The following CDK5RAP2 variants were observed in gnomAD, a reference collection of about 807,000 sequenced individuals.
CDK5RAP2 encodes CDK5 regulatory subunit associated protein 2.
Under a neutral mutation model 232.9 loss-of-function variants are expected in CDK5RAP2, and 147 were observed. That is an observed-to-expected ratio of 0.63 (90% CI 0.55 to 0.72). The LOEUF (loss-of-function observed/expected upper bound fraction) is 0.72. Among genes scored for constraint, CDK5RAP2 ranks in the 30% least tolerant of loss-of-function variants. The pLI is 0.00. For missense variants in CDK5RAP2, 2,195 were observed against 2,231.5 expected (o/e 0.98, Z 0.33); for synonymous variants, 833 against 833.7 (o/e 1.00, Z 0.01).
intron 1 of CDK5RAP2, among the ~76,000 whole-genome samples, chr9:120,574,969 G>C (rs2042979264): frequency 6.6e-6 from 1 of 151,944 alleles, no homozygotes; most frequent in Non-Finnish European, 1.5e-5. Context: ...GGTGGCAGGG[G>C]TGTGGTGGTG....
At chr9:120,572,160 C>A in intron 1 of CDK5RAP2, 119 bp from the exon 2 acceptor site, 1 of 815,602 alleles carries the variant, frequency 1.2e-6, no homozygotes, top group Admixed American at 1.9e-5. Flanking sequence ...CACAGCTGGG[C>A]TACCTATGTG....
Position 120,407,013 on chromosome 9 carries a change from G to T in CDK5RAP2, c.4962C>A (p.His1654Gln). ...IPEVPLQPDK[H>Q]DGDKYPMESD... Reference sequence around the variant, plus strand: ...AGTGGGGAGAGGCAGGGGCAGTACCGTGTTTGTCAGGCTGAAGGGGCACCT... The same window carrying T: ...AGTGGGGAGAGGCAGGGGCAGTACCTTGTTTGTCAGGCTGAAGGGGCACCT... Residue 1654 changes from histidine to glutamine, a missense_variant and splice_region_variant, in exon 32 of 38, where the codon CAC becomes CAA. Coordinates refer to ENST00000349780, the MANE Select transcript of CDK5RAP2 (RefSeq NM_018249.6). 1 of 1,610,004 alleles carries T rather than the reference G, an allele frequency of 6.2e-7. No individual in the cohort carries two copies.
intron 3 of CDK5RAP2, among the ~76,000 whole-genome samples, chr9:120,555,749 G>A (rs1424352773): frequency 6.6e-6 from 1 of 152,158 alleles, no homozygotes; most frequent in Non-Finnish European, 1.5e-5. Flanking sequence ...CAAAAAACCT[G>A]TACATAAATG....
At chr9:120,475,952 C>G (rs1420946718) in intron 15 of CDK5RAP2, among the ~76,000 whole-genome samples, 1 of 152,096 alleles carries the variant, frequency 6.6e-6, no homozygotes, top group Non-Finnish European at 1.5e-5. Context: ...GGCAGAAACA[C>G]AGAGAGGCAA....
chr9:120,400,878 T>A lies in CDK5RAP2; in HGVS notation c.5315A>T (p.His1772Leu). 1 of 1,613,912 alleles carries A rather than the reference T, an allele frequency of 6.2e-7. No individual in the cohort carries two copies. Among genetic ancestry groups the A allele is most frequent in the Non-Finnish European group, 8.5e-7 (1 of 1,179,984 alleles). The change falls in exon 35 of 38, where the codon CAC becomes CTC. Residue 1772 changes from histidine (H) to leucine (L), a missense_variant. By Grantham distance (99) the His-to-Leu change is moderately conservative. Transcript: ENST00000349780. Reference sequence around the variant, plus strand: ...CACAAACTTGCTCAGTGGTGCTGGGTGTGGACCCTACACGGGGGATATGAA... The same window carrying A: ...CACAAACTTGCTCAGTGGTGCTGGGAGTGGACCCTACACGGGGGATATGAA... The part of the protein sequence containing the change: ...TSQELGTKGP[H>L]PAPLSKFVSS...
chr9:120,393,928 A>G (rs1253307184), intron 36 of CDK5RAP2, among the ~76,000 whole-genome samples: 3 of 152,138 alleles, frequency 2.0e-5, no homozygotes, highest in African/African-American at 7.2e-5. Flanking sequence ...TCTTGCACAC[A>G]GATGTGACAG....
chr9:120,509,668 C>G (rs1188607538), intron 12 of CDK5RAP2, among the ~76,000 whole-genome samples: 1 of 152,174 alleles, frequency 6.6e-6, no homozygotes, highest in Non-Finnish European at 1.5e-5. Context: ...AAAATAGCTA[C>G]CAATTATTGC....
chr9:120,470,005 G>A, intron 17 of CDK5RAP2, 106 bp downstream of exon 17: 1 of 669,234 alleles, frequency 1.5e-6, no homozygotes, highest in South Asian at 1.7e-5. Context: ...GGACAGGAAG[G>A]AAGGAGAGAG....
At position 120,413,831 on chromosome 9, in the gene CDK5RAP2, GGAGGGAGGAGGGAA is replaced by G. The variant is rs1459881787; in HGVS notation, c.4297+1195_4297+1208del. ...GCGAGGAGGGAGGAGGGAGGAGGGA[GGAGGGAGGAGGGAA>G]GGAGGAGGGAGGGAGAGGGCGAGAT... On this transcript the variant is annotated intron_variant, in intron 28 of 37. Coordinates refer to ENST00000349780, the MANE Select transcript of CDK5RAP2 (RefSeq NM_018249.6). Among the ~76,000 whole-genome samples, 69 of 93,562 alleles carry G rather than the reference GGAGGGAGGAGGGAA, an allele frequency of 7.4e-4. No homozygotes were observed. The Middle Eastern group carries it at 0.018, about 24-fold the overall frequency. 61.4% of individuals were successfully genotyped at this position (93,562 alleles called of 152,430 possible). A position where few individuals can be genotyped will look rare whatever the true frequency, so the allele number is the denominator to read the frequency against.
At chr9:120,489,079 TA>T (rs1188481668) in intron 13 of CDK5RAP2, among the ~76,000 whole-genome samples, 2 of 152,266 alleles carry the variant, frequency 1.3e-5, no homozygotes, top group African/African-American at 2.4e-5. Context: ...AAAATGCCTT[TA>T]TTCTGCCCTC....
chr9:120,525,307 C>T lies in CDK5RAP2; in HGVS notation c.1000-229G>A, dbSNP rs115018908. ...CTCAACTGTAAAATGAGGATACCAC[C>T]GCTCACCCAGCTATTGTGTTGTTAA... On this transcript the variant is annotated intron_variant, in intron 10 of 37. Transcript: ENST00000349780. 2.2e-3 allele frequency among the ~76,000 whole-genome samples: 329 copies of T among 152,288 alleles called. 2 individuals carry two copies. The highest frequency in any genetic ancestry group is 7.3e-3 in the African/African-American group (304 of 41,566).
chr9:120,403,230 C>G lies in CDK5RAP2; in HGVS notation c.5042-159G>C. 1.5e-6 allele frequency: 1 copy of G among 666,034 alleles called. No individual in the cohort carries two copies. Among genetic ancestry groups the G allele is most frequent in the Non-Finnish European group, 2.6e-6 (1 of 383,328 alleles). The allele number at this position is 666,034 out of a possible 1,614,324, so 41.3% of individuals were successfully genotyped here. ...GGGGAAAAGAGGCACGCTCCTGGAC[C>G]TCTGTATATTACCCCACACTGGGCT... On this transcript the variant is annotated intron_variant, in intron 33 of 37. Transcript: ENST00000349780. The surrounding 1 kb of genome is among the most constrained non-coding windows in gnomAD (Gnocchi z 4.2).
chr9:120,500,227 C>A (rs2039511735), intron 12 of CDK5RAP2, among the ~76,000 whole-genome samples: 1 of 152,180 alleles, frequency 6.6e-6, no homozygotes, highest in Admixed American at 6.5e-5. Context: ...CCCACTGTCA[C>A]CAACTGTTTG....
chr9:120,560,678 G>A (rs545425008), intron 3 of CDK5RAP2, among the ~76,000 whole-genome samples: 76 of 152,190 alleles, frequency 5.0e-4, no homozygotes, highest in Non-Finnish European at 7.2e-4. Flanking sequence ...GTGCAGTGGC[G>A]CGATCTCGGC....
intron 14 of CDK5RAP2, among the ~76,000 whole-genome samples, chr9:120,486,217 C>T (rs2038593500): frequency 6.6e-6 from 1 of 152,074 alleles, no homozygotes; most frequent in African/African-American, 2.4e-5. Context: ...GCCTCCAGGT[C>T]CCCACTCCAG....
intron 25 of CDK5RAP2, among the ~76,000 whole-genome samples, chr9:120,433,168 C>A (rs1397693719): frequency 6.6e-6 from 1 of 152,134 alleles, no homozygotes; most frequent in African/African-American, 2.4e-5. Context: ...ATTAAATGAA[C>A]TATGTGGGCC....
At chr9:120,559,327 A>G (rs1313680389) in intron 3 of CDK5RAP2, among the ~76,000 whole-genome samples, 2 of 151,898 alleles carry the variant, frequency 1.3e-5, no homozygotes, top group African/African-American at 2.4e-5. Flanking sequence ...CTCTACTAAA[A>G]ATACAAAAAA....
chr9:120,473,771 A>T (rs554276996), intron 15 of CDK5RAP2, among the ~76,000 whole-genome samples: 2 of 152,196 alleles, frequency 1.3e-5, no homozygotes, highest in Non-Finnish European at 2.9e-5. Context: ...AACCAGGGAG[A>T]AAAAAAGAGA....
At chr9:120,548,644 C>T (rs955214512) in intron 4 of CDK5RAP2, among the ~76,000 whole-genome samples, 15 of 151,970 alleles carry the variant, frequency 9.9e-5, no homozygotes, top group Non-Finnish European at 2.1e-4. Context: ...CCCATCTCTA[C>T]AAAAAGCAAA....
Sources: gnomAD v4.1 joint callset for allele counts (sites outside exome capture counted in the v4.1 genomes callset) on GRCh38, gnomAD v4.1.1 for gene constraint, Gnocchi (gnomAD v3.1) non-coding constraint, MANE v1.5 for transcripts, NCBI Gene and HGNC (gene_info 2026-07-23, HGNC 2026-07-21) for gene names.